Variants in FGF12 observed in about 807,000 individuals in gnomAD.
FGF12 encodes the protein fibroblast growth factor 12, also known as fibroblast growth factor 12B.
Under a neutral mutation model 23.6 loss-of-function variants are expected in FGF12, and 14 were observed. The ratio of observed to expected loss-of-function variants is 0.59; its 90% CI spans 0.39 to 0.93. FGF12 has a LOEUF of 0.93. FGF12 is among the 40% of genes least tolerant of loss of function. The probability of loss-of-function intolerance (pLI) is 0.00; values close to 1 mark genes in which losing one functional copy is unlikely to be tolerated. For synonymous variants in FGF12, 62 were observed against 77.3 expected (o/e 0.80, Z 1.04); for missense variants, 175 against 217.8 (o/e 0.80, Z 1.24).
intron 2 of FGF12, among the ~76,000 whole-genome samples, chr3:192,662,492 C>G (rs1241808043): frequency 5.3e-5 from 8 of 152,218 alleles, no homozygotes; most frequent in Non-Finnish European, 1.2e-4. Context: ...AGGTCAGGGT[C>G]AGTCTCCAAT....
At position 192,170,241 on chromosome 3, in the gene FGF12, T is replaced by C. The variant is rs6791980; in HGVS notation, c.427+217A>G. ...GTTGCAGTGAGCCGAGACTGAGCCA[T>C]TGCATTCTAGTGTGGGCGACAGAGC... On this transcript the variant is annotated intron_variant, in intron 5 of 5. Transcript: ENST00000445105. Among the ~76,000 whole-genome samples the C allele has an allele frequency of 0.36, 51,087 of 141,344 alleles. 10,073 individuals are homozygous for C. Among genetic ancestry groups the C allele is most frequent in the African/African-American group, 0.5 (18,315 of 36,620 alleles). The allele number at this position is 141,344 out of a possible 152,430, so 92.7% of individuals were successfully genotyped here. A position where few individuals can be genotyped will look rare whatever the true frequency, so the allele number is the denominator to read the frequency against.
At chr3:192,553,423 TA>T (rs1711615802) in intron 2 of FGF12, among the ~76,000 whole-genome samples, 1 of 152,096 alleles carries the variant, frequency 6.6e-6, no homozygotes. Flanking sequence ...TAAGTAATAA[TA>T]AATTAAGAAT....
In FGF12 at chr3:192,563,991, T is replaced by C. The variant is rs574273098; in HGVS notation, c.13+163190A>G. 1.6e-4 allele frequency among the ~76,000 whole-genome samples: 24 copies of C among 152,328 alleles called. No individual in the cohort carries two copies. In the South Asian group the frequency reaches 4.8e-3, roughly 30 times the overall value. ...TTTTTCAGTGTTCAACCTGTCCATA[T>C]ATTAGGAGGCACCAAGGCTTAAAAT... is the stretch of plus-strand genomic sequence containing the variant. On this transcript the variant is annotated intron_variant, in intron 2 of 5. Transcript: ENST00000445105.
intron 2 of FGF12, among the ~76,000 whole-genome samples, chr3:192,608,435 A>G (rs1261149793): frequency 2.6e-5 from 4 of 152,128 alleles, no homozygotes; most frequent in Non-Finnish European, 5.9e-5. Context: ...CACCTACAAT[A>G]TACCTACAAA....
At chr3:192,608,942 G>A (rs1462477643) in intron 2 of FGF12, among the ~76,000 whole-genome samples, 1 of 152,056 alleles carries the variant, frequency 6.6e-6, no homozygotes, top group African/African-American at 2.4e-5. Context: ...AGTGAGGCAG[G>A]CTTAAAGAGG....
chr3:192,646,271 T>C (rs1229974226), intron 2 of FGF12, among the ~76,000 whole-genome samples: 1 of 152,116 alleles, frequency 6.6e-6, no homozygotes, highest in Non-Finnish European at 1.5e-5. Flanking sequence ...CAACGTTTAA[T>C]AAAAGAGGCA....
chr3:192,726,164 C>T (rs1719207430), intron 2 of FGF12, among the ~76,000 whole-genome samples: 1 of 152,208 alleles, frequency 6.6e-6, no homozygotes, highest in Admixed American at 6.5e-5. Context: ...ATTCCCTGAT[C>T]CTAAGTACAT....
At chr3:192,511,235 AC>A (rs1724461864) in intron 2 of FGF12, among the ~76,000 whole-genome samples, 1 of 151,980 alleles carries the variant, frequency 6.6e-6, no homozygotes, top group Non-Finnish European at 1.5e-5. Context: ...ACACACACAC[AC>A]ACACACACAC....
chr3:192,332,636 G>A (rs1436025242), intron 4 of FGF12, among the ~76,000 whole-genome samples: 2 of 151,936 alleles, frequency 1.3e-5, no homozygotes, highest in Non-Finnish European at 2.9e-5. Flanking sequence ...AGTAACAAGG[G>A]AATTACTTCC....
At chr3:192,159,725 G>T (rs1387550137) in intron 5 of FGF12, among the ~76,000 whole-genome samples, 1 of 152,160 alleles carries the variant, frequency 6.6e-6, no homozygotes. Flanking sequence ...CTTTCGTAAT[G>T]TCTGAGACAT....
At chr3:192,321,727 T>C (rs1242524569) in intron 4 of FGF12, among the ~76,000 whole-genome samples, 1 of 152,116 alleles carries the variant, frequency 6.6e-6, no homozygotes, top group Non-Finnish European at 1.5e-5. Flanking sequence ...CATATAATCT[T>C]TGTAATTGAT....
intron 4 of FGF12, among the ~76,000 whole-genome samples, chr3:192,243,534 G>GAAA (rs11333066): frequency 2.1e-5 from 3 of 143,134 alleles, no homozygotes; most frequent in South Asian, 4.3e-4. Context: ...CAGCTTTATG[G>GAAA]AAAAAAAAAA....
At chr3:192,162,021 C>T (rs749404111) in intron 5 of FGF12, among the ~76,000 whole-genome samples, 28 of 152,078 alleles carry the variant, frequency 1.8e-4, no homozygotes, top group Non-Finnish European at 8.8e-5. Context: ...GAACCTCCAT[C>T]GACTACTAGT....
intron 4 of FGF12, among the ~76,000 whole-genome samples, chr3:192,219,725 C>T (rs1718377565): frequency 6.6e-6 from 1 of 152,218 alleles, no homozygotes; most frequent in South Asian, 2.1e-4. Context: ...TGTGTTTGAA[C>T]AAGTGTTCCA....
intron 5 of FGF12, among the ~76,000 whole-genome samples, chr3:192,156,276 G>C (rs1372053410): frequency 2.6e-5 from 4 of 152,114 alleles, no homozygotes; most frequent in Non-Finnish European, 4.4e-5. Flanking sequence ...CAAAAACTCA[G>C]ATTCAGTGGC....
intron 4 of FGF12, among the ~76,000 whole-genome samples, chr3:192,318,965 AAAAACAAAAC>A (rs537373153): frequency 0.031 from 4,649 of 152,102 alleles, 120 homozygotes; most frequent in South Asian, 0.055. Flanking sequence ...CTGAAGGGGG[AAAAACAAAAC>A]AAAACAAAAC....
At chr3:192,627,852 ATGTGTGTGTGTG>A (rs138709721) in intron 2 of FGF12, among the ~76,000 whole-genome samples, 1 of 147,250 alleles carries the variant, frequency 6.8e-6, no homozygotes, top group Non-Finnish European at 1.5e-5. Context: ...GTGTGTGTGC[ATGTGTGTGTGTG>A]TGTGTGTGTG....
intron 4 of FGF12, among the ~76,000 whole-genome samples, chr3:192,256,456 T>C (rs1712400147): frequency 6.6e-6 from 1 of 151,612 alleles, no homozygotes; most frequent in Admixed American, 6.6e-5. Context: ...TACTTATAAA[T>C]ATAAATTGTA....
chr3:192,668,185 A>C (rs890917475), intron 2 of FGF12, among the ~76,000 whole-genome samples: 2 of 152,122 alleles, frequency 1.3e-5, no homozygotes, highest in Non-Finnish European at 2.9e-5. Flanking sequence ...GAAAAAAAAA[A>C]CGGTAGAATA....
Sources: allele counts gnomAD v4.1 joint callset (sites outside exome capture counted in the v4.1 genomes callset), GRCh38; gene constraint gnomAD v4.1.1; transcripts MANE v1.5; gene names NCBI Gene and HGNC (gene_info 2026-07-23, HGNC 2026-07-21).